Variants in C6 observed in about 807,000 individuals in gnomAD.
The protein encoded by C6 is complement component C6.
Under a neutral mutation model 112.9 loss-of-function variants are expected in C6, and 101 were observed. The observed-to-expected ratio is 0.89, with a 90% confidence interval of 0.76 to 1.06. The LOEUF is 1.06. Among genes scored for constraint, C6 ranks in the 50% least tolerant of loss-of-function variants. The pLI is 0.00. For missense variants in C6, 1,202 were observed against 1,104.6 expected (o/e 1.09, Z -1.25); for synonymous variants, 431 against 384.1 (o/e 1.12, Z -1.43).
At chr5:41,247,824 A>G (rs1169103851) in intron 1 of C6, among the ~76,000 whole-genome samples, 1 of 152,154 alleles carries the variant, frequency 6.6e-6, no homozygotes. Flanking sequence ...AATCAAAGAC[A>G]CAAACAAATG....
At chr5:41,221,293 T>C (rs80311556) in intron 1 of C6, among the ~76,000 whole-genome samples, 550 of 152,338 alleles carry the variant, frequency 3.6e-3, no homozygotes, top group Non-Finnish European at 6.3e-3. Context: ...CTTTAAGCTA[T>C]ACATTCTCAA....
At position 41,151,838 on chromosome 5, in the gene C6, C is replaced by T. The variant is rs569150742; in HGVS notation, c.2291-1813G>A. The stretch of plus-strand genomic sequence containing the variant: ...GAAGGTCAACATTGCTGAAGGCTGC[C>T]GAAAGGCCACAGAAGATAAGGAAAA... On this transcript the variant is annotated intron_variant, in intron 15 of 17. Coordinates refer to ENST00000337836, the MANE Select transcript of C6 (RefSeq NM_000065.5). Among the ~76,000 whole-genome samples, 7 of 149,436 alleles carry T rather than the reference C, an allele frequency of 4.7e-5. No individual in the cohort carries two copies. In the South Asian group the frequency reaches 6.5e-4, roughly 14 times the overall value.
chr5:41,158,723 G>A lies in C6; in HGVS notation c.1919C>T (p.Ala640Val). 4 of 1,611,590 alleles carry A rather than the reference G, an allele frequency of 2.5e-6. No homozygotes were observed. Among genetic ancestry groups the A allele is most frequent in the Non-Finnish European group, 3.4e-6 (4 of 1,177,874 alleles). ...MKEVDLPEIEADSGCPQPVPP... is the reference protein window; with the variant it reads ...MKEVDLPEIEVDSGCPQPVPP... ...AACTGGCTGAGGACACCCGGAATCT[G>A]CTTCTATCTCAGGAAGATCGACCTC... The change falls in exon 13 of 18, where the codon GCA becomes GTA. Residue 640 changes from alanine to valine, a missense_variant. Coordinates refer to ENST00000337836, the MANE Select transcript of C6 (RefSeq NM_000065.5).
intron 4 of C6, among the ~76,000 whole-genome samples, chr5:41,196,619 T>G (rs1378661349): frequency 6.6e-6 from 1 of 151,408 alleles, no homozygotes; most frequent in Non-Finnish European, 1.5e-5. Context: ...TTACTATATA[T>G]AATTAGTACA....
upstream of C6, among the ~76,000 whole-genome samples, chr5:41,217,471 A>T (rs1267027183): frequency 2.0e-5 from 3 of 152,150 alleles, no homozygotes; most frequent in Non-Finnish European, 2.9e-5. Flanking sequence ...CGCCTCTACA[A>T]ATGTGCCCTT....
intron 6 of C6, among the ~76,000 whole-genome samples, chr5:41,184,511 G>A (rs548034800): frequency 2.1e-4 from 31 of 151,200 alleles, no homozygotes; most frequent in Middle Eastern, 6.8e-3. Context: ...TCACTCTGTC[G>A]CCCAGGCTGG....
At chr5:41,205,074 TG>T (rs777213298) in intron 1 of C6, among the ~76,000 whole-genome samples, 14 of 152,216 alleles carry the variant, frequency 9.2e-5, no homozygotes, top group Non-Finnish European at 1.3e-4. Flanking sequence ...GGGTATTCAT[TG>T]TATGCTGCTA....
chr5:41,188,315 G>T (rs967123976), intron 5 of C6, among the ~76,000 whole-genome samples: 1 of 152,040 alleles, frequency 6.6e-6, no homozygotes, highest in Non-Finnish European at 1.5e-5. Context: ...ACAGCCAAGA[G>T]AATCGTGAGA....
chr5:41,203,521 G>A (rs1261475352), intron 1 of C6: 2 of 407,186 alleles, frequency 4.9e-6, no homozygotes, highest in Non-Finnish European at 9.3e-6. Flanking sequence ...AAAGTATGTA[G>A]CATGTATTTG....
intron 1 of C6, among the ~76,000 whole-genome samples, chr5:41,247,339 G>A (rs1241332832): frequency 6.6e-6 from 1 of 151,960 alleles, no homozygotes; most frequent in Non-Finnish European, 1.5e-5. Context: ...TAAAATTTTA[G>A]GGTACAAAAC....
intron 5 of C6, among the ~76,000 whole-genome samples, chr5:41,190,920 G>A (rs1006928743): frequency 6.6e-6 from 1 of 151,986 alleles, no homozygotes; most frequent in Non-Finnish European, 1.5e-5. Flanking sequence ...GTAAATACAT[G>A]GTTTTATTTC....
chr5:41,245,186 T>A (rs1561203092), intron 1 of C6, among the ~76,000 whole-genome samples: 3 of 152,238 alleles, frequency 2.0e-5, no homozygotes, highest in Non-Finnish European at 4.4e-5. Context: ...TTTGCCACCT[T>A]CCCTACTTTT....
At chr5:41,173,806 G>T (rs1393872629) in intron 8 of C6, among the ~76,000 whole-genome samples, 3 of 152,078 alleles carry the variant, frequency 2.0e-5, no homozygotes, top group Non-Finnish European at 2.9e-5. Context: ...GAGATGCATT[G>T]TTATTTGGGA....
At chr5:41,202,022 A>G (rs867821051) in intron 2 of C6, among the ~76,000 whole-genome samples, 5 of 152,160 alleles carry the variant, frequency 3.3e-5, no homozygotes, top group Non-Finnish European at 7.4e-5. Flanking sequence ...GTGGCTGCAC[A>G]TGTTACACCA....
At chr5:41,240,917 C>T (rs535970042) in intron 1 of C6, among the ~76,000 whole-genome samples, 33 of 152,246 alleles carry the variant, frequency 2.2e-4, no homozygotes, top group African/African-American at 6.0e-4. Flanking sequence ...CTCCAAATTG[C>T]GTGCTCGGAT....
chr5:41,238,915 G>A (rs533945690), intron 1 of C6, among the ~76,000 whole-genome samples: 9 of 151,720 alleles, frequency 5.9e-5, no homozygotes, highest in South Asian at 2.1e-4. Flanking sequence ...AATAACTTAC[G>A]TGTTTAACAG....
intron 5 of C6, among the ~76,000 whole-genome samples, chr5:41,191,037 T>C (rs1750156922): frequency 7.0e-6 from 1 of 142,706 alleles, no homozygotes; most frequent in Non-Finnish European, 1.6e-5. Context: ...AACATGTATA[T>C]TTTGAAATGT....
intron 1 of C6, among the ~76,000 whole-genome samples, chr5:41,241,635 G>A (rs542033553): frequency 6.6e-6 from 1 of 152,168 alleles, no homozygotes; most frequent in Non-Finnish European, 1.5e-5. Flanking sequence ...AAGCCTACTT[G>A]TGGTTTCCAC....
chr5:41,178,756 A>G (rs1172032959), intron 7 of C6, among the ~76,000 whole-genome samples: 5 of 152,134 alleles, frequency 3.3e-5, no homozygotes, highest in African/African-American at 4.8e-5. Context: ...GATTATAGGC[A>G]TGAGCCACCG....
Sources: gnomAD v4.1 joint callset for allele counts (sites outside exome capture counted in the v4.1 genomes callset) on GRCh38, gnomAD v4.1.1 for gene constraint, MANE v1.5 for transcripts, NCBI Gene and HGNC (gene_info 2026-07-23, HGNC 2026-07-21) for gene names.